Variants in EPHA5 observed in about 807,000 individuals in gnomAD.
EPHA5 encodes ephrin type-A receptor 5.
In EPHA5, 60 loss-of-function variants were observed where a neutral mutation model predicts 105.0. The observed-to-expected ratio is 0.57, with a 90% confidence interval of 0.46 to 0.71. The LOEUF is 0.71. Ranked by LOEUF, EPHA5 falls within the 30% of genes least tolerant of loss-of-function variation. The pLI is 0.00. For missense variants in EPHA5, 1,218 were observed against 1,274.7 expected (o/e 0.96, Z 0.68); for synonymous variants, 513 against 449.1 (o/e 1.14, Z -1.80).
At chr4:65,618,927 G>A (rs1203722376) in intron 2 of EPHA5, among the ~76,000 whole-genome samples, 1 of 152,148 alleles carries the variant, frequency 6.6e-6, no homozygotes, top group East Asian at 1.9e-4. Flanking sequence ...GGCCTAGGCG[G>A]GTAGATGATT....
intron 1 of EPHA5, among the ~76,000 whole-genome samples, chr4:65,665,013 A>G (rs1243516715): frequency 6.6e-6 from 1 of 151,944 alleles, no homozygotes; most frequent in Non-Finnish European, 1.5e-5. Context: ...GTAAAATAGA[A>G]TATATTAAAT....
chr4:65,511,211 C>T (rs976183959), intron 3 of EPHA5, among the ~76,000 whole-genome samples: 4 of 152,184 alleles, frequency 2.6e-5, no homozygotes, highest in African/African-American at 4.8e-5. Flanking sequence ...TGTTACATTA[C>T]TCAACAAAGT....
chr4:65,324,035 C>CTCTTTTTT lies in EPHA5; in HGVS notation c.*78_*79insAAAAAAGA. 1 of 938,062 alleles carries CTCTTTTTT rather than the reference C, an allele frequency of 1.1e-6. No individual in the cohort carries two copies. The highest frequency in any genetic ancestry group is 2.2e-5 in the Admixed American group (1 of 46,116). The allele number at this position is 938,062 out of a possible 1,614,324, so 58.1% of individuals were successfully genotyped here. On this transcript the variant is annotated 3_prime_UTR_variant, in exon 17 of 17. Transcript: ENST00000613740. Reference sequence around the variant, plus strand: ...GAAATCACTGTTTTCCCTTTTCCCCCTTTTTTTGTTAAAATAAATCTCAGT... The same window carrying CTCTTTTTT: ...GAAATCACTGTTTTCCCTTTTCCCCCTCTTTTTTTTTTTTTGTTAAAATAAATCTCAGT...
intron 7 of EPHA5, among the ~76,000 whole-genome samples, chr4:65,409,377 G>C (rs959680415): frequency 1.2e-5 from 1 of 84,272 alleles, no homozygotes; most frequent in African/African-American, 3.8e-5. Flanking sequence ...AAATAAAAGA[G>C]CTTTGTAAGC....
intron 1 of EPHA5, among the ~76,000 whole-genome samples, chr4:65,664,756 C>T (rs767439417): frequency 6.6e-6 from 1 of 151,856 alleles, no homozygotes; most frequent in Non-Finnish European, 1.5e-5. Context: ...TCATTCTGAG[C>T]TTCTAAGTAA....
chr4:65,473,175 CA>C (rs1729455290), intron 5 of EPHA5, among the ~76,000 whole-genome samples: 1 of 152,112 alleles, frequency 6.6e-6, no homozygotes. Context: ...ATATCACTAT[CA>C]GCATTTTGGT....
rs145126637 is a variant in EPHA5 at position 65,643,409 on chromosome 4, C to A, written c.200G>T (p.Arg67Leu). ...PSNEVNLLDS[R>L]TVMGDLGWIA... ...CCATCCCAGGTCCCCCATGACAGTG[C>A]GTGAATCCAATAAATTCACTGAAAA... Residue 67 changes from arginine (R) to leucine (L), a missense_variant, in exon 2 of 17, where the codon CGC becomes CTC. Around this residue, in one of 3 missense-constraint regions of EPHA5, gnomAD observed 233 missense variants for 227.5 expected, o/e 1.02. Transcript: ENST00000613740. 2 of 1,612,806 alleles carry A rather than the reference C, an allele frequency of 1.2e-6. No homozygotes were observed. The highest frequency in any genetic ancestry group is 1.7e-6 in the Non-Finnish European group (2 of 1,179,092).
At chr4:65,607,540 T>G (rs1269335496) in intron 2 of EPHA5, among the ~76,000 whole-genome samples, 1 of 152,004 alleles carries the variant, frequency 6.6e-6, no homozygotes, top group Non-Finnish European at 1.5e-5. Context: ...CAGACACTTC[T>G]CAAAAGAAGA....
At chr4:65,387,206 A>G (rs554399020) in intron 8 of EPHA5, among the ~76,000 whole-genome samples, 2 of 151,864 alleles carry the variant, frequency 1.3e-5, no homozygotes, top group East Asian at 1.9e-4. Flanking sequence ...TTTGGTTTAT[A>G]CTGAGATGAT....
chr4:65,546,370 A>G (rs933018594), intron 3 of EPHA5, among the ~76,000 whole-genome samples: 1 of 152,006 alleles, frequency 6.6e-6, no homozygotes, highest in Admixed American at 6.6e-5. Context: ...TGTCCAGAAA[A>G]AATATGTTAA....
At chr4:65,649,123 T>C (rs763237453) in intron 1 of EPHA5, among the ~76,000 whole-genome samples, 10 of 152,212 alleles carry the variant, frequency 6.6e-5, no homozygotes, top group Non-Finnish European at 1.3e-4. Context: ...CATAGTCTTT[T>C]TTAGAGAAAA....
chr4:65,590,913 T>C, intron 3 of EPHA5, among the ~76,000 whole-genome samples: 1 of 152,140 alleles, frequency 6.6e-6, no homozygotes, highest in East Asian at 1.9e-4. Context: ...AGTGTGTTTT[T>C]ACACTGTACA....
At chr4:65,665,388 T>C (rs954434939) in intron 1 of EPHA5, among the ~76,000 whole-genome samples, 2 of 152,000 alleles carry the variant, frequency 1.3e-5, no homozygotes, top group Non-Finnish European at 1.5e-5. Flanking sequence ...CTGAATAAAA[T>C]ATTTAATTAA....
chr4:65,578,692 A>C (rs1458177448), intron 3 of EPHA5, among the ~76,000 whole-genome samples: 1 of 152,228 alleles, frequency 6.6e-6, no homozygotes, highest in Non-Finnish European at 1.5e-5. Flanking sequence ...AGAGTACCGA[A>C]AGGACACTTT....
In EPHA5 at chr4:65,462,316, T is replaced by C. The variant is rs137922127; in HGVS notation, c.1402+28061A>G. Among the ~76,000 whole-genome samples, 149 of 152,334 alleles carry C rather than the reference T, an allele frequency of 9.8e-4. 1 individual carries two copies. Among genetic ancestry groups the C allele is most frequent in the African/African-American group, 3.6e-3 (148 of 41,578 alleles). ...AAATGATAGAATAATTTTTATTTTA[T>C]TCTCCAAGTATTGCTAGGCATTTTG... On this transcript the variant is annotated intron_variant, in intron 5 of 16. Coordinates refer to ENST00000613740, the MANE Select transcript of EPHA5 (RefSeq NM_001281766.3).
intron 13 of EPHA5, among the ~76,000 whole-genome samples, chr4:65,350,549 A>C (rs934691771): frequency 6.6e-6 from 1 of 152,124 alleles, no homozygotes; most frequent in Non-Finnish European, 1.5e-5. Context: ...TTAGACATTG[A>C]GGATATTCAA....
chr4:65,400,379 T>G (rs1167316879), intron 8 of EPHA5, among the ~76,000 whole-genome samples: 1 of 152,158 alleles, frequency 6.6e-6, no homozygotes, highest in African/African-American at 2.4e-5. Flanking sequence ...AAGAAACATT[T>G]AAAGGTTAAT....
intron 5 of EPHA5, among the ~76,000 whole-genome samples, chr4:65,486,565 A>G (rs1730899620): frequency 6.6e-6 from 1 of 152,242 alleles, no homozygotes; most frequent in Non-Finnish European, 1.5e-5. Flanking sequence ...TTTCCTGAAA[A>G]CAATCTTTGG....
chr4:65,666,734 G>A (rs1749998263), intron 1 of EPHA5, among the ~76,000 whole-genome samples: 2 of 152,044 alleles, frequency 1.3e-5, no homozygotes, highest in Non-Finnish European at 2.9e-5. Context: ...TTAGAATTTA[G>A]ACTAAAGGGT....
Sources: allele counts gnomAD v4.1 joint callset (sites outside exome capture counted in the v4.1 genomes callset), GRCh38; gene constraint gnomAD v4.1.1; regional missense constraint gnomAD v4.1.1; transcripts MANE v1.5; gene names NCBI Gene and HGNC (gene_info 2026-07-23, HGNC 2026-07-21).